The following CBX1 variants were observed in gnomAD, a reference collection of about 807,000 sequenced individuals.
The protein encoded by CBX1 is chromobox protein homolog 1.
A neutral mutation model predicts 25.1 loss-of-function variants in CBX1; 10 were observed. That is an observed-to-expected ratio of 0.40 (90% CI 0.25 to 0.68). CBX1 has a LOEUF of 0.68. Among genes scored for constraint, CBX1 ranks in the 30% least tolerant of loss-of-function variants. The pLI is 0.40. For missense variants in CBX1, 106 were observed against 218.5 expected, an observed-to-expected ratio of 0.49 and a Z score of 3.25; for synonymous variants, 63 against 79.4, an observed-to-expected ratio of 0.79 and a Z score of 1.10.
intron 1 of CBX1, among the ~76,000 whole-genome samples, chr17:48,085,650 G>A (rs192817908): frequency 2.6e-5 from 4 of 152,240 alleles, no homozygotes. Flanking sequence ...ACAAAGCTGG[G>A]TTTTTAATGC....
intron 1 of CBX1, among the ~76,000 whole-genome samples, chr17:48,087,872 C>CA (rs531431865): frequency 0.51 from 45,402 of 89,036 alleles, 9,969 homozygotes; most frequent in African/African-American, 0.56. Flanking sequence ...GACTCAGTCT[C>CA]AAAAAAAAAA....
chr17:48,092,681 T>G (rs1036373301), intron 1 of CBX1, among the ~76,000 whole-genome samples: 3 of 151,902 alleles, frequency 2.0e-5, no homozygotes, highest in African/African-American at 7.2e-5. Context: ...CTCGAACTCC[T>G]GACCTCGTGA....
chr17:48,071,242 T>C lies in CBX1; in HGVS notation c.*193A>G. On this transcript the variant is annotated 3_prime_UTR_variant, in exon 5 of 5. Transcript: ENST00000225603. Reference sequence around the variant, plus strand: ...AACACTTATCCCCTTTCCCCTCCACTGGGATGGGTGTGCAAACTATACAGC... The same window carrying C: ...AACACTTATCCCCTTTCCCCTCCACCGGGATGGGTGTGCAAACTATACAGC... The C allele has an allele frequency of 2.2e-6, 1 of 458,014 alleles. No homozygotes were observed. The highest frequency in any genetic ancestry group is 3.8e-6 in the Non-Finnish European group (1 of 264,530). The allele number at this position is 458,014 out of a possible 1,614,324, so 28.4% of individuals were successfully genotyped here. A position where few individuals can be genotyped will look rare whatever the true frequency, so the allele number is the denominator to read the frequency against.
intron 4 of CBX1, among the ~76,000 whole-genome samples, chr17:48,073,765 T>G (rs1201733895): frequency 6.9e-6 from 1 of 143,892 alleles, no homozygotes; most frequent in African/African-American, 2.7e-5. Context: ...GGGCGGAGGT[T>G]GCAGTGAGCT....
intron 3 of CBX1, 152 bp downstream of exon 3, chr17:48,075,849 T>G: frequency 1.8e-6 from 1 of 561,936 alleles, no homozygotes; most frequent in Non-Finnish European, 3.1e-6. Context: ...TGTGGCTTCA[T>G]GACAGTACAC....
At chr17:48,087,440 G>A (rs2063318659) in intron 1 of CBX1, among the ~76,000 whole-genome samples, 1 of 151,776 alleles carries the variant, frequency 6.6e-6, no homozygotes, top group African/African-American at 2.4e-5. Flanking sequence ...TGGGCGTGGT[G>A]GTGTGCACCT....
chr17:48,075,153 G>A, intron 3 of CBX1, 53 bp from the exon 4 acceptor site: 1 of 1,136,722 alleles, frequency 8.8e-7, no homozygotes, highest in East Asian at 2.4e-5. Flanking sequence ...CTATTATCCA[G>A]ACTGGAACCA....
chr17:48,091,983 C>CTTTTTTTTT (rs56277117), intron 1 of CBX1, among the ~76,000 whole-genome samples: 2 of 62,938 alleles, frequency 3.2e-5, no homozygotes, highest in African/African-American at 6.7e-5. Context: ...CCAGCCAGAT[C>CTTTTTTTTT]TTTTTTTTTT....
intron 1 of CBX1, among the ~76,000 whole-genome samples, chr17:48,099,702 G>A (rs1204884495): frequency 1.3e-5 from 2 of 152,122 alleles, no homozygotes; most frequent in Non-Finnish European, 2.9e-5. Context: ...CACAATTGAG[G>A]AGGCTACTTT....
At chr17:48,099,687 CTT>C (rs1276904632) in intron 1 of CBX1, among the ~76,000 whole-genome samples, 1 of 152,200 alleles carries the variant, frequency 6.6e-6, no homozygotes, top group Non-Finnish European at 1.5e-5. Context: ...TGATGTGACT[CTT>C]AACACAATTG....
At chr17:48,090,269 C>T (rs1466465600) in intron 1 of CBX1, among the ~76,000 whole-genome samples, 2 of 152,098 alleles carry the variant, frequency 1.3e-5, no homozygotes, top group Non-Finnish European at 2.9e-5. Flanking sequence ...TGGTAATCCA[C>T]ACAGTAAAGT....
rs1240974119 is a variant in CBX1 at position 48,070,463 on chromosome 17, T to C, written c.*972A>G. On this transcript the variant is annotated 3_prime_UTR_variant, in exon 5 of 5. Coordinates refer to ENST00000225603, the MANE Select transcript of CBX1 (RefSeq NM_001127228.2). ...CTCAAAGTAAACGGCTCCAAGAGTT[T>C]TCCCCACTAAGAGCATGGGCCCTTG... 1 of 152,614 alleles carries C rather than the reference T, an allele frequency of 6.6e-6. No individual in the cohort carries two copies. Among genetic ancestry groups the C allele is most frequent in the Admixed American group, 6.5e-5 (1 of 15,272 alleles). 9.5% of individuals were successfully genotyped at this position (152,614 alleles called of 1,614,324 possible). A position where few individuals can be genotyped will look rare whatever the true frequency, so the allele number is the denominator to read the frequency against.
intron 1 of CBX1, chr17:48,096,379 A>G (rs2063375008): frequency 2.0e-6 from 2 of 984,972 alleles, no homozygotes; most frequent in Admixed American, 6.2e-5. Flanking sequence ...TAGTATGGAC[A>G]CAGAGATACC....
chr17:48,097,607 A>G (rs1373529038), intron 1 of CBX1, among the ~76,000 whole-genome samples: 3 of 147,978 alleles, frequency 2.0e-5, no homozygotes, highest in Non-Finnish European at 4.5e-5. Flanking sequence ...ACAGAGCGAG[A>G]CTCTGTCTCA....
intron 1 of CBX1, among the ~76,000 whole-genome samples, chr17:48,079,151 G>C (rs1303680132): frequency 6.7e-6 from 1 of 150,024 alleles, no homozygotes; most frequent in African/African-American, 2.5e-5. Flanking sequence ...CTCCAGCCGG[G>C]CTGGAGTGCA....
At chr17:48,099,303 T>A (rs1010737137) in intron 1 of CBX1, among the ~76,000 whole-genome samples, 1 of 152,156 alleles carries the variant, frequency 6.6e-6, no homozygotes, top group African/African-American at 2.4e-5. Context: ...GGTTTCACCA[T>A]GTTGGTTGGC....
chr17:48,085,983 T>C (rs986706878), intron 1 of CBX1, among the ~76,000 whole-genome samples: 2 of 152,262 alleles, frequency 1.3e-5, no homozygotes, highest in Admixed American at 1.3e-4. Context: ...GGCATGAGAA[T>C]TGCTTGAACT....
chr17:48,075,915 G>A lies in CBX1; in HGVS notation c.318+86C>T, dbSNP rs1414049644. On this transcript the variant is annotated intron_variant, in intron 3 of 4. Transcript: ENST00000225603. Reference sequence around the variant, plus strand: ...ATTTCAGGACTAAGAAGAGACAGCTGCTAATATCAGGGAAGAAGCAGAACA... The same window carrying A: ...ATTTCAGGACTAAGAAGAGACAGCTACTAATATCAGGGAAGAAGCAGAACA... 3 of 1,009,464 alleles carry A rather than the reference G, an allele frequency of 3.0e-6. No homozygotes were observed. The African/African-American group carries it at 4.8e-5, about 16-fold the overall frequency. The allele number at this position is 1,009,464 out of a possible 1,614,324, so 62.5% of individuals were successfully genotyped here.
chr17:48,090,993 A>G (rs2063341175), intron 1 of CBX1, among the ~76,000 whole-genome samples: 1 of 152,246 alleles, frequency 6.6e-6, no homozygotes, highest in Admixed American at 6.5e-5. Flanking sequence ...GACAATAAAC[A>G]AGAAAATATT....
Sources: allele counts gnomAD v4.1 joint callset (sites outside exome capture counted in the v4.1 genomes callset), GRCh38; gene constraint gnomAD v4.1.1; transcripts MANE v1.5; gene names NCBI Gene and HGNC (gene_info 2026-07-23, HGNC 2026-07-21).